The following ASTN2 variants were observed in gnomAD, a reference collection of about 807,000 sequenced individuals.
ASTN2 encodes the protein astrotactin-2.
Under a neutral mutation model 139.8 loss-of-function variants are expected in ASTN2, and 54 were observed. The ratio of observed to expected loss-of-function variants is 0.39; its 90% CI spans 0.31 to 0.48. ASTN2 has a LOEUF of 0.48. Among genes scored for constraint, ASTN2 ranks in the 20% least tolerant of loss-of-function variants. The pLI is 0.95. For missense variants in ASTN2, 1,565 were observed against 1,725.1 expected, an observed-to-expected ratio of 0.91 and a Z score of 1.64; for synonymous variants, 756 against 719.5, an observed-to-expected ratio of 1.05 and a Z score of -0.81.
At chr9:116,976,611 T>G (rs2274762) in intron 8 of ASTN2, 90 bp downstream of exon 8, 286,463 of 1,103,248 alleles carry the variant, frequency 0.26, 40,309 homozygotes, top group Admixed American at 0.38. Flanking sequence ...GAGTCCTCTT[T>G]GTGGAGATGC....
At chr9:117,312,738 C>T (rs1828016320) in intron 1 of ASTN2, among the ~76,000 whole-genome samples, 1 of 152,174 alleles carries the variant, frequency 6.6e-6, no homozygotes, top group Non-Finnish European at 1.5e-5. Flanking sequence ...TTCACTTCTG[C>T]TCCGTAACTT....
intron 2 of ASTN2, among the ~76,000 whole-genome samples, chr9:117,253,754 G>A (rs1171193904): frequency 6.6e-6 from 1 of 152,180 alleles, no homozygotes; most frequent in Non-Finnish European, 1.5e-5. Context: ...CATGAAACAG[G>A]AGCTGGGGCA....
At chr9:116,540,352 T>C (rs1851825776) in intron 19 of ASTN2, 1 of 152,186 alleles carries the variant, frequency 6.6e-6, no homozygotes, top group African/African-American at 2.4e-5. Flanking sequence ...GAAAGAAACA[T>C]GCAAGAAGAA....
At chr9:117,002,157 G>C (rs1837210194) in intron 7 of ASTN2, among the ~76,000 whole-genome samples, 1 of 152,136 alleles carries the variant, frequency 6.6e-6, no homozygotes. Context: ...AAAGAATATA[G>C]GAATAAATAT....
chr9:116,535,403 TATG>T (rs1331537799), intron 19 of ASTN2, among the ~76,000 whole-genome samples: 2 of 152,170 alleles, frequency 1.3e-5, no homozygotes, highest in Admixed American at 1.3e-4. Context: ...ATCCTGTCAT[TATG>T]ATGTTAGCTG....
At chr9:117,035,472 C>T (rs1838359658) in intron 6 of ASTN2, among the ~76,000 whole-genome samples, 1 of 152,086 alleles carries the variant, frequency 6.6e-6, no homozygotes, top group South Asian at 2.1e-4. Flanking sequence ...CTCTCATCCC[C>T]CTATGTAATA....
rs144841688 is a variant in ASTN2, at chr9:117,369,420, T to C, written c.442+45077A>G. On this transcript the variant is annotated intron_variant, in intron 1 of 22. Transcript: ENST00000313400. ...AACACAGTATCTCTACTCTTTACGA[T>C]AACCCTGCAAGGAGGTTGCAATACC... Among the ~76,000 whole-genome samples, 203 of 152,226 alleles carry C rather than the reference T, an allele frequency of 1.3e-3. No individual in the cohort carries two copies. The East Asian group carries it at 0.02, about 15-fold the overall frequency.
intron 7 of ASTN2, among the ~76,000 whole-genome samples, chr9:116,981,130 T>C (rs899628146): frequency 6.6e-6 from 1 of 152,218 alleles, no homozygotes; most frequent in Non-Finnish European, 1.5e-5. Flanking sequence ...CCTATGCCAA[T>C]GGAATAGGAC....
rs144194926 is a variant in ASTN2 at position 116,522,686 on chromosome 9, T to C, written c.3356-35186A>G. Reference sequence around the variant, plus strand: ...GAAGTAAAAACATAAACAATTTTTTTAAAAGAATGAAGATGAAGAGGAAGA... The same window carrying C: ...GAAGTAAAAACATAAACAATTTTTTCAAAAGAATGAAGATGAAGAGGAAGA... On this transcript the variant is annotated intron_variant, in intron 19 of 22. Transcript: ENST00000313400. Among the ~76,000 whole-genome samples the C allele has an allele frequency of 2.4e-3, 364 of 152,202 alleles. 1 individual carries two copies. The highest frequency in any genetic ancestry group is 8.3e-3 in the African/African-American group (345 of 41,548).
intron 6 of ASTN2, among the ~76,000 whole-genome samples, chr9:117,010,805 G>A (rs1420524700): frequency 6.6e-6 from 1 of 152,154 alleles, no homozygotes; most frequent in Non-Finnish European, 1.5e-5. Context: ...TGATCCCATG[G>A]GGAGATCTGG....
At chr9:117,000,440 A>G (rs560149792) in intron 7 of ASTN2, among the ~76,000 whole-genome samples, 16 of 152,358 alleles carry the variant, frequency 1.1e-4, no homozygotes, top group Non-Finnish European at 2.2e-4. Context: ...TGTGTTGTAG[A>G]CCATATTGTC....
intron 22 of ASTN2, among the ~76,000 whole-genome samples, chr9:116,433,657 GATGAACTTGTGCA>G (rs1847563644): frequency 6.6e-6 from 1 of 152,182 alleles, no homozygotes; most frequent in Non-Finnish European, 1.5e-5. Context: ...AAGCTGGTGT[GATGAACTTGTGCA>G]ATGAAGCCAT....
At chr9:116,883,434 T>C (rs529074012) in intron 10 of ASTN2, among the ~76,000 whole-genome samples, 25 of 152,296 alleles carry the variant, frequency 1.6e-4, no homozygotes, top group Non-Finnish European at 2.5e-4. Context: ...ATAATATCCA[T>C]GTCCCTTTCT....
At chr9:116,903,815 A>T (rs73655518) in intron 10 of ASTN2, among the ~76,000 whole-genome samples, 1 of 152,148 alleles carries the variant, frequency 6.6e-6, no homozygotes, top group African/African-American at 2.4e-5. Flanking sequence ...AGGTCCAAAA[A>T]GGCCTGTTTA....
chr9:117,257,911 T>C (rs1217825639), intron 2 of ASTN2, among the ~76,000 whole-genome samples: 1 of 152,196 alleles, frequency 6.6e-6, no homozygotes, highest in African/African-American at 2.4e-5. Flanking sequence ...ACCTATACAG[T>C]GGGGATACTG....
At chr9:117,226,689 C>A (rs74576703) in intron 2 of ASTN2, among the ~76,000 whole-genome samples, 2,859 of 152,224 alleles carry the variant, frequency 0.019, 36 homozygotes, top group Non-Finnish European at 0.029. Flanking sequence ...CAAAAGTGAG[C>A]CTTTCAAGAG....
chr9:116,681,378 T>C (rs1455972045), intron 16 of ASTN2, among the ~76,000 whole-genome samples: 3 of 152,086 alleles, frequency 2.0e-5, no homozygotes, highest in Admixed American at 2.0e-4. Flanking sequence ...TAAAAGAGGA[T>C]ACAAACAAAT....
At chr9:117,148,147 G>C (rs1026949342) in intron 3 of ASTN2, among the ~76,000 whole-genome samples, 1 of 152,174 alleles carries the variant, frequency 6.6e-6, no homozygotes, top group African/African-American at 2.4e-5. Context: ...AGAAGCAAAT[G>C]GACATTGACC....
intron 2 of ASTN2, among the ~76,000 whole-genome samples, chr9:117,284,575 A>T (rs1335410): frequency 6.6e-6 from 1 of 152,082 alleles, no homozygotes; most frequent in Non-Finnish European, 1.5e-5. Flanking sequence ...GCATGGTCTC[A>T]CAGATATCTT....
Sources: gnomAD v4.1 joint callset for allele counts (sites outside exome capture counted in the v4.1 genomes callset) on GRCh38, gnomAD v4.1.1 for gene constraint, MANE v1.5 for transcripts, NCBI Gene and HGNC (gene_info 2026-07-23, HGNC 2026-07-21) for gene names.